Variants in SPIN1 observed in about 807,000 individuals in gnomAD.
The protein encoded by SPIN1 is spindlin 1.
In SPIN1, 3 loss-of-function variants were observed where a neutral mutation model predicts 26.0. The ratio of observed to expected loss-of-function variants is 0.12; its 90% CI spans 0.05 to 0.30. SPIN1 has a LOEUF of 0.30. Ranked by LOEUF, SPIN1 falls within the 10% of genes least tolerant of loss-of-function variation. The pLI, the probability that SPIN1 is intolerant of heterozygous loss-of-function variation, is 1.00. For missense variants in SPIN1, 126 were observed against 333.4 expected (o/e 0.38, Z 4.84); for synonymous variants, 101 against 116.5 (o/e 0.87, Z 0.86).
chr9:88,435,045 C>T (rs1827972183), intron 2 of SPIN1, among the ~76,000 whole-genome samples: 1 of 148,678 alleles, frequency 6.7e-6, no homozygotes, highest in Non-Finnish European at 1.5e-5. Context: ...GTGTGAGACT[C>T]CAGCTCAAAA....
At position 88,475,387 on chromosome 9, in the gene SPIN1, C is replaced by A; in HGVS notation, c.*110C>A. On this transcript the variant is annotated 3_prime_UTR_variant, in exon 6 of 6. Coordinates refer to ENST00000375859, the MANE Select transcript of SPIN1 (RefSeq NM_006717.3). ...TGAAAGCTTAAATGTCCCTGCGAAC[C>A]CACAATCTCTGCCAGCAGAACTGGT... 1.8e-6 allele frequency: 2 copies of A among 1,108,428 alleles called. No individual in the cohort carries two copies. Among genetic ancestry groups the A allele is most frequent in the Non-Finnish European group, 2.6e-6 (2 of 772,418 alleles). The allele number at this position is 1,108,428 out of a possible 1,614,324, so 68.7% of individuals were successfully genotyped here. A position where few individuals can be genotyped will look rare whatever the true frequency, so the allele number is the denominator to read the frequency against.
At chr9:88,433,706 C>T (rs909197165) in intron 2 of SPIN1, among the ~76,000 whole-genome samples, 1 of 152,124 alleles carries the variant, frequency 6.6e-6, no homozygotes, top group African/African-American at 2.4e-5. Context: ...TATTTCCTTA[C>T]CTGCTGCATC....
rs528386783 is a variant in SPIN1, at chr9:88,427,611, T to G, written c.52+1020T>G. 3.3e-5 allele frequency among the ~76,000 whole-genome samples: 5 copies of G among 152,170 alleles called. No individual in the cohort carries two copies. In the East Asian group the frequency reaches 7.7e-4, roughly 23 times the overall value. On this transcript the variant is annotated intron_variant, in intron 2 of 5. Transcript: ENST00000375859. ...TTTTTTTTCTTTTTCTCTCTTTTTT[T>G]TCTTTTTTTTTTGAGACGGAGTCTC...
At chr9:88,450,220 A>G (rs1372569951) in intron 3 of SPIN1, among the ~76,000 whole-genome samples, 1 of 152,212 alleles carries the variant, frequency 6.6e-6, no homozygotes. Flanking sequence ...CTTGCCACAA[A>G]TAAAACATAA....
intron 1 of SPIN1, among the ~76,000 whole-genome samples, chr9:88,404,967 A>G (rs1827265957): frequency 6.6e-6 from 1 of 151,800 alleles, no homozygotes; most frequent in Non-Finnish European, 1.5e-5. Context: ...GATCATCTGT[A>G]TCACTGTCTT....
chr9:88,447,002 C>T (rs1339649447), intron 2 of SPIN1, among the ~76,000 whole-genome samples: 1 of 151,628 alleles, frequency 6.6e-6, no homozygotes, highest in Non-Finnish European at 1.5e-5. Context: ...ATTATATTTT[C>T]CCTCATTCCT....
At chr9:88,394,530 T>C (rs1392017456) in intron 1 of SPIN1, among the ~76,000 whole-genome samples, 1 of 152,232 alleles carries the variant, frequency 6.6e-6, no homozygotes, top group Non-Finnish European at 1.5e-5. Context: ...CTTTTTTCTC[T>C]AACGTTGAAA....
rs185906122 is a variant in SPIN1 at position 88,423,058 on chromosome 9, G to A, written c.-158-3324G>A. Among the ~76,000 whole-genome samples, 3 of 152,266 alleles carry A rather than the reference G, an allele frequency of 2.0e-5. No homozygotes were observed. In the East Asian group the frequency reaches 5.8e-4, roughly 29 times the overall value. On this transcript the variant is annotated intron_variant, in intron 1 of 5. Transcript: ENST00000375859. ...TTTGCGTTCTAATATTATTCAAATA[G>A]CCACCATGTATCCTTCCCCCACTGC...
rs548877989 is a variant in SPIN1, at chr9:88,441,840, AAT to A, written c.53-7098_53-7097del. ...AAAATATAAAATAATATAAAATAAA[AAT>A]ATGTTACATATTTATTATAATTGTA... On this transcript the variant is annotated intron_variant, in intron 2 of 5. Transcript: ENST00000375859. Among the ~76,000 whole-genome samples the A allele has an allele frequency of 3.0e-3, 443 of 148,560 alleles. 7 individuals are homozygous for A. Among genetic ancestry groups the A allele is most frequent in the African/African-American group, 9.4e-3 (384 of 40,728 alleles).
chr9:88,446,053 T>C (rs1828244749), intron 2 of SPIN1, among the ~76,000 whole-genome samples: 1 of 152,194 alleles, frequency 6.6e-6, no homozygotes. Flanking sequence ...TCCTGTCTGC[T>C]TGTTATATCA....
intron 2 of SPIN1, among the ~76,000 whole-genome samples, chr9:88,431,405 C>G (rs1827867646): frequency 1.3e-5 from 2 of 151,642 alleles, no homozygotes. Flanking sequence ...ATTCTCCTGC[C>G]TTAGTCTCCC....
chr9:88,410,220 C>T lies in SPIN1; in HGVS notation c.-158-16162C>T, dbSNP rs1729415702. On this transcript the variant is annotated intron_variant, in intron 1 of 5. Coordinates refer to ENST00000375859, the MANE Select transcript of SPIN1 (RefSeq NM_006717.3). ...TTTTTTTTTTTTAAAGACATTTATT[C>T]AGCATCATGATCAGACTATTACATT... Among the ~76,000 whole-genome samples, 8 of 144,268 alleles carry T rather than the reference C, an allele frequency of 5.5e-5. No individual in the cohort carries two copies. The South Asian group carries it at 1.1e-3, about 20-fold the overall frequency. The allele number at this position is 144,268 out of a possible 152,430, so 94.6% of individuals were successfully genotyped here.
chr9:88,471,654 CAAAAAAAAAAAAA>C (rs1166469042), intron 5 of SPIN1, among the ~76,000 whole-genome samples: 7 of 59,748 alleles, frequency 1.2e-4, no homozygotes, highest in African/African-American at 3.4e-4. Flanking sequence ...GACTCTGTCT[CAAAAAAAAAAAAA>C]AAAAAAAAAA....
At chr9:88,413,376 G>A (rs1420016898) in intron 1 of SPIN1, among the ~76,000 whole-genome samples, 1 of 150,432 alleles carries the variant, frequency 6.6e-6, no homozygotes, top group Admixed American at 6.7e-5. Context: ...CCTGGCCAAG[G>A]TGTTTTTGTT....
At chr9:88,462,822 C>A in intron 4 of SPIN1, 73 bp downstream of exon 4, 1 of 1,447,064 alleles carries the variant, frequency 6.9e-7, no homozygotes, top group Non-Finnish European at 9.3e-7. Context: ...TTTTATTTTA[C>A]ATTATTAATA....
At chr9:88,454,268 A>G (rs1029340694) in intron 3 of SPIN1, among the ~76,000 whole-genome samples, 10 of 152,230 alleles carry the variant, frequency 6.6e-5, no homozygotes, top group Admixed American at 3.9e-4. Flanking sequence ...ATATATCAAG[A>G]TAGTATTTAA....
rs148792530 is a variant in SPIN1, at chr9:88,392,000, A to T, written c.-159+3462A>T. Among the ~76,000 whole-genome samples, 192 of 152,312 alleles carry T rather than the reference A, an allele frequency of 1.3e-3. 1 individual carries two copies. The highest frequency in any genetic ancestry group is 4.4e-3 in the African/African-American group (181 of 41,570). On this transcript the variant is annotated intron_variant, in intron 1 of 5. Transcript: ENST00000375859. ...TATTGGTGAAAGAGCCAACCCGCAA[A>T]GCCTTTTAAAACCTTGAATTCCTTA...
intron 1 of SPIN1, among the ~76,000 whole-genome samples, chr9:88,421,305 G>C (rs1389096913): frequency 6.6e-6 from 1 of 152,104 alleles, no homozygotes; most frequent in Non-Finnish European, 1.5e-5. Flanking sequence ...GTGTGTGTGT[G>C]TCTGTGTGTT....
intron 3 of SPIN1, among the ~76,000 whole-genome samples, chr9:88,453,825 G>A (rs887183226): frequency 2.6e-5 from 4 of 152,106 alleles, no homozygotes; most frequent in Admixed American, 6.5e-5. Flanking sequence ...CGCGCCCGCG[G>A]TATCTTAAGC....
Sources: allele counts gnomAD v4.1 joint callset (sites outside exome capture counted in the v4.1 genomes callset), GRCh38; gene constraint gnomAD v4.1.1; transcripts MANE v1.5; gene names NCBI Gene and HGNC (gene_info 2026-07-23, HGNC 2026-07-21).